Variants in ABCD2 observed in about 807,000 individuals in gnomAD.
ABCD2 encodes the protein ATP binding cassette subfamily D member 2, also known as ATP-binding cassette sub-family D member 2.
ABCD2 carries 36 observed loss-of-function variants against 70.9 expected under a neutral mutation model. That is an observed-to-expected ratio of 0.51 (90% CI 0.39 to 0.67). ABCD2 has a LOEUF of 0.67. Ranked by LOEUF, ABCD2 falls within the 30% of genes least tolerant of loss-of-function variation. The pLI is 0.00. For missense variants in ABCD2, 729 were observed against 890.2 expected (o/e 0.82, Z 2.30); for synonymous variants, 304 against 306.9 (o/e 0.99, Z 0.10).
At chr12:39,601,957 G>C (rs1335061922) in intron 5 of ABCD2, among the ~76,000 whole-genome samples, 3 of 151,608 alleles carry the variant, frequency 2.0e-5, no homozygotes, top group Non-Finnish European at 4.4e-5. Context: ...TATTTCAATA[G>C]GGCCATTCTC....
downstream of ABCD2, chr12:39,550,001 C>A (rs933394972): frequency 8.6e-5 from 13 of 151,788 alleles, no homozygotes; most frequent in Non-Finnish European, 1.6e-4. Context: ...TGAGGGCATT[C>A]ATTTTCCTAA....
intron 6 of ABCD2, among the ~76,000 whole-genome samples, chr12:39,596,180 A>C (rs578136913): frequency 3.3e-5 from 5 of 152,302 alleles, no homozygotes; most frequent in East Asian, 3.9e-4. Context: ...CTATTTAGAA[A>C]TTGGAGAAAC....
intron 7 of ABCD2, among the ~76,000 whole-genome samples, chr12:39,582,503 G>A (rs1941609437): frequency 6.6e-6 from 1 of 152,092 alleles, no homozygotes; most frequent in South Asian, 2.1e-4. Flanking sequence ...CCTTCCTGAT[G>A]ACTTCCAAAA....
intron 2 of ABCD2, among the ~76,000 whole-genome samples, chr12:39,615,762 T>G (rs538357632): frequency 1.7e-4 from 26 of 152,254 alleles, no homozygotes; most frequent in African/African-American, 5.8e-4. Flanking sequence ...TTTCAAAACA[T>G]TAAGGCATAT....
intron 9 of ABCD2, among the ~76,000 whole-genome samples, chr12:39,568,410 G>T (rs1941392155): frequency 6.6e-6 from 1 of 152,060 alleles, no homozygotes; most frequent in African/African-American, 2.4e-5. Flanking sequence ...TCTTCCAGTT[G>T]ATTGAATCGG....
chr12:39,588,200 A>G (rs892385056), intron 6 of ABCD2, among the ~76,000 whole-genome samples: 1 of 152,178 alleles, frequency 6.6e-6, no homozygotes, highest in African/African-American at 2.4e-5. Context: ...CATCTGGAAC[A>G]GTCTAATATT....
the ABCD2 span, among the ~76,000 whole-genome samples, chr12:39,532,974 G>A: frequency 3.3e-5 from 5 of 151,742 alleles, no homozygotes; most frequent in African/African-American, 1.2e-4. Context: ...CCTGGCCAAC[G>A]TGGCAAATCC....
intron 9 of ABCD2, among the ~76,000 whole-genome samples, chr12:39,559,807 C>T: frequency 6.6e-6 from 1 of 152,164 alleles, no homozygotes; most frequent in Admixed American, 6.5e-5. Context: ...AAGAGATAGA[C>T]TTTCCCACAC....
At chr12:39,568,245 C>T (rs1218758332) in intron 9 of ABCD2, among the ~76,000 whole-genome samples, 9 of 152,172 alleles carry the variant, frequency 5.9e-5, no homozygotes, top group Non-Finnish European at 1.0e-4. Context: ...CCATTCTCCC[C>T]GTCACTTTCA....
At chr12:39,534,831 G>GGAAA in the ABCD2 span, among the ~76,000 whole-genome samples, 1 of 126,774 alleles carries the variant, frequency 7.9e-6, no homozygotes, top group Non-Finnish European at 1.6e-5. Context: ...AAGGAAAGCA[G>GGAAA]GAAAGAAAGA....
intron 6 of ABCD2, among the ~76,000 whole-genome samples, chr12:39,597,934 A>C (rs558011151): frequency 1.3e-5 from 2 of 152,182 alleles, no homozygotes; most frequent in Non-Finnish European, 2.9e-5. Flanking sequence ...ACACTGCTAA[A>C]GTACTAGATA....
At position 39,601,766 on chromosome 12, in the gene ABCD2, T is replaced by C. The variant is rs74088761; in HGVS notation, c.1501-1050A>G. On this transcript the variant is annotated intron_variant, in intron 5 of 9. Coordinates refer to ENST00000308666, the MANE Select transcript of ABCD2 (RefSeq NM_005164.4). ...ACTGGACCTCAAAGATGAAAGAGTA[T>C]TATTATATTGCTAGCACACCAAGAA... 2.4e-3 allele frequency among the ~76,000 whole-genome samples: 370 copies of C among 152,244 alleles called. 2 individuals are homozygous for C. Among genetic ancestry groups the C allele is most frequent in the African/African-American group, 8.4e-3 (350 of 41,544 alleles).
chr12:39,604,709 C>T (rs1210182488), intron 4 of ABCD2, 53 bp downstream of exon 4: 5 of 1,394,022 alleles, frequency 3.6e-6, no homozygotes, highest in Non-Finnish European at 3.8e-6. Flanking sequence ...AACTTTGGTT[C>T]TGTTGATAAA....
At chr12:39,606,387 A>G (rs1431252165) in intron 3 of ABCD2, among the ~76,000 whole-genome samples, 1 of 152,194 alleles carries the variant, frequency 6.6e-6, no homozygotes, top group Non-Finnish European at 1.5e-5. Context: ...AGAAGTGAAC[A>G]TTTTATGATT....
chr12:39,532,589 T>C, the ABCD2 span, among the ~76,000 whole-genome samples: 3 of 152,262 alleles, frequency 2.0e-5, no homozygotes, highest in Admixed American at 6.5e-5. Flanking sequence ...GAGAAGCTAT[T>C]CTGCAGAAAT....
chr12:39,568,170 C>A (rs1196579814), intron 9 of ABCD2, among the ~76,000 whole-genome samples: 2 of 152,264 alleles, frequency 1.3e-5, no homozygotes, highest in South Asian at 2.1e-4. Context: ...TGAATGTTGG[C>A]CTGCCTTGCT....
the ABCD2 span, among the ~76,000 whole-genome samples, chr12:39,531,121 G>A: frequency 6.6e-6 from 1 of 152,036 alleles, no homozygotes; most frequent in Admixed American, 6.6e-5. Flanking sequence ...TAGGGATACC[G>A]CCGTGAACAA....
chr12:39,587,505 A>G (rs1298386221), intron 6 of ABCD2, among the ~76,000 whole-genome samples: 1 of 152,202 alleles, frequency 6.6e-6, no homozygotes, highest in Non-Finnish European at 1.5e-5. Flanking sequence ...CCTGGGGGAC[A>G]AAATCTTCCC....
chr12:39,592,576 A>G (rs148804589), intron 6 of ABCD2, among the ~76,000 whole-genome samples: 1 of 152,270 alleles, frequency 6.6e-6, no homozygotes, highest in East Asian at 1.9e-4. Context: ...TTCCAGTACA[A>G]CCCCTACTCC....
Sources: allele counts gnomAD v4.1 joint callset (sites outside exome capture counted in the v4.1 genomes callset), GRCh38; gene constraint gnomAD v4.1.1; transcripts MANE v1.5; gene names NCBI Gene and HGNC (gene_info 2026-07-23, HGNC 2026-07-21).